The following OSTF1 variants were observed in gnomAD, a reference collection of about 807,000 sequenced individuals.
OSTF1 encodes the protein osteoclast stimulating factor 1, also known as osteoclast-stimulating factor 1.
In OSTF1, 27 loss-of-function variants were observed where a neutral mutation model predicts 37.2. The ratio of observed to expected loss-of-function variants is 0.73; its 90% CI spans 0.54 to 1.00. OSTF1 has a LOEUF of 1.00. OSTF1 is among the 50% of genes least tolerant of loss of function. OSTF1 has a pLI of 0.00. For synonymous variants in OSTF1, 82 were observed against 89.2 expected (o/e 0.92, Z 0.46); for missense variants, 232 against 253.8 (o/e 0.91, Z 0.58).
chr9:75,098,922 T>A (rs1825137457), intron 1 of OSTF1, among the ~76,000 whole-genome samples: 1 of 152,152 alleles, frequency 6.6e-6, no homozygotes, highest in African/African-American at 2.4e-5. Context: ...CAAAAGCCTC[T>A]TTTTTTCTTT....
intron 9 of OSTF1, among the ~76,000 whole-genome samples, chr9:75,142,485 A>C (rs1825958918): frequency 6.6e-6 from 1 of 152,098 alleles, no homozygotes; most frequent in Non-Finnish European, 1.5e-5. Flanking sequence ...TCAGAGTCTA[A>C]TGCATGCTAT....
At chr9:75,132,769 C>T (rs1315695718) in intron 5 of OSTF1, among the ~76,000 whole-genome samples, 5 of 151,976 alleles carry the variant, frequency 3.3e-5, no homozygotes, top group African/African-American at 1.2e-4. Context: ...GGGACATTAG[C>T]CTGAGGATTT....
chr9:75,125,082 C>T (rs1278186935), intron 2 of OSTF1, among the ~76,000 whole-genome samples: 1 of 152,156 alleles, frequency 6.6e-6, no homozygotes, highest in Non-Finnish European at 1.5e-5. Context: ...TGTTGCAGCC[C>T]ACATATCCTA....
chr9:75,141,357 A>C, intron 9 of OSTF1, among the ~76,000 whole-genome samples: 1 of 142,716 alleles, frequency 7.0e-6, no homozygotes, highest in African/African-American at 2.5e-5. Flanking sequence ...TCTTCAGATG[A>C]TTCTGAAGTT....
chr9:75,097,688 A>T (rs1476342007), intron 1 of OSTF1, among the ~76,000 whole-genome samples: 2 of 152,090 alleles, frequency 1.3e-5, no homozygotes, highest in East Asian at 1.9e-4. Flanking sequence ...CAAACATAAA[A>T]GTCTAATGGG....
At chr9:75,105,208 G>A (rs1825262689) in intron 1 of OSTF1, among the ~76,000 whole-genome samples, 1 of 152,190 alleles carries the variant, frequency 6.6e-6, no homozygotes, top group East Asian at 1.9e-4. Context: ...GGAGAAGCAG[G>A]TTAGGAGCTG....
intron 9 of OSTF1, among the ~76,000 whole-genome samples, chr9:75,143,372 A>T: frequency 6.6e-6 from 1 of 152,286 alleles, no homozygotes; most frequent in Middle Eastern, 3.4e-3. Context: ...TATAATTTAC[A>T]TTAAGTAAGT....
At chr9:75,101,149 C>G (rs535256948) in intron 1 of OSTF1, among the ~76,000 whole-genome samples, 2 of 152,168 alleles carry the variant, frequency 1.3e-5, no homozygotes, top group African/African-American at 4.8e-5. Flanking sequence ...TAAACAATCT[C>G]GACTCTCAGG....
intron 3 of OSTF1, among the ~76,000 whole-genome samples, chr9:75,129,121 C>T (rs894211005): frequency 6.6e-6 from 1 of 152,070 alleles, no homozygotes; most frequent in African/African-American, 2.4e-5. Flanking sequence ...TGAAGAGACT[C>T]CCACTGGCCA....
chr9:75,090,687 C>T (rs1824956774), intron 1 of OSTF1, among the ~76,000 whole-genome samples: 1 of 150,814 alleles, frequency 6.6e-6, no homozygotes, highest in Non-Finnish European at 1.5e-5. Flanking sequence ...AAAAAAAAAG[C>T]GATGGCCAGG....
chr9:75,123,986 A>G (rs1312928686), intron 2 of OSTF1, among the ~76,000 whole-genome samples: 1 of 152,224 alleles, frequency 6.6e-6, no homozygotes. Flanking sequence ...ACTGGCACTT[A>G]GTGGTCTTTC....
intron 8 of OSTF1, among the ~76,000 whole-genome samples, chr9:75,139,667 C>T (rs771816377): frequency 5.3e-5 from 8 of 152,210 alleles, no homozygotes; most frequent in Non-Finnish European, 1.0e-4. Context: ...AAATGATCTG[C>T]CCGCCTTGGC....
chr9:75,109,625 A>C (rs74887908), intron 1 of OSTF1, among the ~76,000 whole-genome samples: 5,717 of 152,302 alleles, frequency 0.038, 149 homozygotes, highest in African/African-American at 0.069. Context: ...GAGGTGACTC[A>C]CTGTGTTCTG....
chr9:75,133,356 G>A lies in OSTF1; in HGVS notation c.313G>A (p.Ala105Thr), dbSNP rs780960308. The A allele has an allele frequency of 1.9e-6, 3 of 1,613,310 alleles. No homozygotes were observed. In the South Asian group the frequency reaches 3.3e-5, roughly 18 times the overall value. Residue 105 changes from alanine (A) to threonine (T), a missense_variant, in exon 6 of 10, where the codon GCT (alanine) becomes ACT (threonine). Ala to Thr is a moderately conservative substitution (Grantham distance 58, BLOSUM62 0). Transcript: ENST00000346234. Reference sequence around the variant, plus strand: ...AGTGGGTGTTAATGGCTTAGACAAAGCTGGAAGCACTGCCTTATACTGGGC... The same window carrying A: ...AGTGGGTGTTAATGGCTTAGACAAAACTGGAAGCACTGCCTTATACTGGGC... ...NRVGVNGLDK[A>T]GSTALYWACH...
intron 9 of OSTF1, among the ~76,000 whole-genome samples, chr9:75,143,032 C>T (rs1465197240): frequency 1.3e-5 from 2 of 151,848 alleles, no homozygotes; most frequent in Admixed American, 6.6e-5. Flanking sequence ...CTCCGCCTCC[C>T]GGGCTCAAGT....
At chr9:75,095,583 C>G (rs966766411) in intron 1 of OSTF1, among the ~76,000 whole-genome samples, 1 of 152,238 alleles carries the variant, frequency 6.6e-6, no homozygotes, top group Non-Finnish European at 1.5e-5. Flanking sequence ...CCACATTTGT[C>G]TAACTAAATA....
intron 1 of OSTF1, among the ~76,000 whole-genome samples, chr9:75,104,319 A>T (rs558262141): frequency 7.9e-5 from 12 of 152,252 alleles, no homozygotes; most frequent in Admixed American, 7.8e-4. Context: ...ACAAGGCAAG[A>T]GGATTGCTTG....
At chr9:75,140,613 G>T (rs950724441) in intron 8 of OSTF1, among the ~76,000 whole-genome samples, 24 of 152,190 alleles carry the variant, frequency 1.6e-4, no homozygotes, top group Non-Finnish European at 2.2e-4. Context: ...GACTCAAAAG[G>T]TTCGGAATTA....
At chr9:75,098,031 T>A (rs533600431) in intron 1 of OSTF1, among the ~76,000 whole-genome samples, 32 of 152,232 alleles carry the variant, frequency 2.1e-4, no homozygotes, top group Admixed American at 9.2e-4. Context: ...CTAATTTTTG[T>A]ATTTTTTGTA....
Sources: allele counts gnomAD v4.1 joint callset (sites outside exome capture counted in the v4.1 genomes callset), GRCh38; gene constraint gnomAD v4.1.1; transcripts MANE v1.5; gene names NCBI Gene and HGNC (gene_info 2026-07-23, HGNC 2026-07-21).